Variants in OTOGL observed in about 807,000 individuals in gnomAD.
OTOGL encodes otogelin like, also known as otogelin-like protein.
A neutral mutation model predicts 318.5 loss-of-function variants in OTOGL; 285 were observed. The ratio of observed to expected loss-of-function variants is 0.89; its 90% CI spans 0.81 to 0.99. OTOGL has a LOEUF of 0.99. Among genes scored for constraint, OTOGL ranks in the 50% least tolerant of loss-of-function variants. The probability of loss-of-function intolerance (pLI) is 0.00; values close to 1 mark genes in which losing one functional copy is unlikely to be tolerated. For synonymous variants in OTOGL, 987 were observed against 936.5 expected (o/e 1.05, Z -0.99); for missense variants, 2,899 against 2,845.6 (o/e 1.02, Z -0.43).
intron 8 of OTOGL, 40 bp downstream of exon 8, chr12:80,229,418 A>G (rs746596094): frequency 4.5e-6 from 7 of 1,557,722 alleles, no homozygotes; most frequent in Admixed American, 1.7e-5. Flanking sequence ...TAACACCACA[A>G]ATTAATAGAA....
chr12:80,142,906 A>T (rs1465674321), intron 1 of OTOGL, among the ~76,000 whole-genome samples: 1 of 152,102 alleles, frequency 6.6e-6, no homozygotes, highest in Non-Finnish European at 1.5e-5. Flanking sequence ...GCTACATTGG[A>T]TGGGAACTGG....
intron 1 of OTOGL, among the ~76,000 whole-genome samples, chr12:80,136,589 C>T (rs539852926): frequency 3.3e-4 from 50 of 152,150 alleles, no homozygotes; most frequent in Non-Finnish European, 4.7e-4. Flanking sequence ...GGTTTTCAAA[C>T]CTTCCAGGAA....
intron 24 of OTOGL, among the ~76,000 whole-genome samples, chr12:80,272,409 T>A (rs1883485697): frequency 6.6e-6 from 1 of 151,596 alleles, no homozygotes; most frequent in Non-Finnish European, 1.5e-5. Context: ...TATGAGCCAC[T>A]ATTTTGTGGC....
intron 1 of OTOGL, among the ~76,000 whole-genome samples, chr12:80,188,557 T>A (rs902566396): frequency 6.7e-5 from 10 of 148,946 alleles, no homozygotes; most frequent in Non-Finnish European, 1.2e-4. Flanking sequence ...ATAATAATAA[T>A]AATAATAAAT....
intron 7 of OTOGL, 111 bp from the exon 8 acceptor site, chr12:80,229,146 A>G (rs903740693): frequency 8.1e-7 from 1 of 1,236,000 alleles, no homozygotes; most frequent in Non-Finnish European, 1.1e-6. Context: ...ATAACGTTGT[A>G]AAGTGTCATG....
intron 1 of OTOGL, among the ~76,000 whole-genome samples, chr12:80,176,037 A>G (rs1874502362): frequency 6.6e-6 from 1 of 152,210 alleles, no homozygotes; most frequent in Admixed American, 6.5e-5. Context: ...CATTTCAGCT[A>G]TGGATGGCTA....
At position 80,336,472 on chromosome 12, in the gene OTOGL, T is replaced by C. The variant is rs779991826; in HGVS notation, c.4660T>C (p.Leu1554=). ...TACATTTGATGGAAACAACGCAGCATTATATAGCATGGCTTCTTATATCTT... is the reference window on the plus strand; with the variant it reads ...TACATTTGATGGAAACAACGCAGCACTATATAGCATGGCTTCTTATATCTT... ...IITFDGNNAA[L]YSMASYILVR... is the part of the protein sequence containing the mutation. Residue 1554 remains leucine, a synonymous_variant, in exon 40 of 59, where the codon TTA becomes CTA. Coordinates refer to ENST00000547103, the MANE Select transcript of OTOGL (RefSeq NM_001378609.3). 6.2e-7 allele frequency: 1 copy of C among 1,609,154 alleles called. No individual in the cohort carries two copies. The highest frequency in any genetic ancestry group is 2.2e-5 in the East Asian group (1 of 44,810).
At chr12:80,232,514 C>CTAGATAAAAAATAA (rs1879460183) in intron 8 of OTOGL, among the ~76,000 whole-genome samples, 1 of 152,096 alleles carries the variant, frequency 6.6e-6, no homozygotes, top group African/African-American at 2.4e-5. Flanking sequence ...CTTTAACTCT[C>CTAGATAAAAAATAA]TAGATAAAAA....
chr12:80,373,820 C>T (rs1891027429), intron 57 of OTOGL, among the ~76,000 whole-genome samples: 1 of 152,026 alleles, frequency 6.6e-6, no homozygotes. Flanking sequence ...GAATCTACTG[C>T]GGGTCTCATT....
chr12:80,168,930 C>T (rs1330430328), intron 1 of OTOGL, among the ~76,000 whole-genome samples: 2 of 152,082 alleles, frequency 1.3e-5, no homozygotes, highest in African/African-American at 4.8e-5. Context: ...CCGTTATTTC[C>T]ATTCCTTTTC....
At chr12:80,377,074 C>A (rs757726393) in intron 57 of OTOGL, 49 bp from the exon 58 acceptor site, 16 of 1,297,034 alleles carry the variant, frequency 1.2e-5, no homozygotes, top group Admixed American at 2.1e-5. Flanking sequence ...ATTTAAGAAA[C>A]AATTTAACGT....
chr12:80,102,323 T>C (rs1161245955), intron 1 of OTOGL, among the ~76,000 whole-genome samples: 1 of 152,244 alleles, frequency 6.6e-6, no homozygotes, highest in East Asian at 1.9e-4. Flanking sequence ...GCCATTGCTA[T>C]ATATTATCAT....
At chr12:80,100,362 G>T (rs1869065700) in intron 1 of OTOGL, among the ~76,000 whole-genome samples, 1 of 152,028 alleles carries the variant, frequency 6.6e-6, no homozygotes, top group African/African-American at 2.4e-5. Context: ...ATAAATGCTT[G>T]AAGTGATGGA....
chr12:80,146,964 T>C (rs1269158323), intron 1 of OTOGL, among the ~76,000 whole-genome samples: 2 of 152,210 alleles, frequency 1.3e-5, no homozygotes, highest in African/African-American at 4.8e-5. Context: ...TCTTTATTAG[T>C]CTTGCTAGTT....
chr12:80,144,384 C>T lies in OTOGL; in HGVS notation c.-20+44779C>T, dbSNP rs376360491. Among the ~76,000 whole-genome samples, 45 of 151,400 alleles carry T rather than the reference C, an allele frequency of 3.0e-4. 1 individual carries two copies. Among genetic ancestry groups the T allele is most frequent in the Non-Finnish European group, 4.9e-4 (33 of 67,928 alleles). ...TCCATGTCCCTACAAAGGACATGAA[C>T]TCATCATTTTTTATGGCTGCATAGT... On this transcript the variant is annotated intron_variant, in intron 1 of 58. Coordinates refer to ENST00000547103, the MANE Select transcript of OTOGL (RefSeq NM_001378609.3).
intron 1 of OTOGL, among the ~76,000 whole-genome samples, chr12:80,122,869 C>T (rs899004648): frequency 7.2e-5 from 11 of 151,738 alleles, no homozygotes; most frequent in African/African-American, 2.2e-4. Flanking sequence ...TGAGTCCTTG[C>T]TTGCACTCTG....
chr12:80,249,225 G>A (rs1334532122), intron 11 of OTOGL, among the ~76,000 whole-genome samples: 3 of 149,120 alleles, frequency 2.0e-5, no homozygotes, highest in Non-Finnish European at 4.4e-5. Context: ...CGTTCCTTTG[G>A]AGGAGGAGAG....
chr12:80,307,263 C>CG (rs976481189), intron 29 of OTOGL, among the ~76,000 whole-genome samples: 3 of 151,582 alleles, frequency 2.0e-5, no homozygotes, highest in Admixed American at 6.6e-5. Flanking sequence ...CACCTTTCCC[C>CG]CCTTTCTATT....
At chr12:80,148,326 T>G (rs1215324080) in intron 1 of OTOGL, among the ~76,000 whole-genome samples, 7 of 148,058 alleles carry the variant, frequency 4.7e-5, no homozygotes, top group Non-Finnish European at 7.5e-5. Context: ...TTAGTTTGGC[T>G]GGATATGAAA....
Sources: gnomAD v4.1 joint callset for allele counts (sites outside exome capture counted in the v4.1 genomes callset) on GRCh38, gnomAD v4.1.1 for gene constraint, MANE v1.5 for transcripts, NCBI Gene and HGNC (gene_info 2026-07-23, HGNC 2026-07-21) for gene names.